NRP1: variants seen among roughly 807,000 people sequenced by gnomAD.
NRP1 encodes the protein neuropilin-1.
Under a neutral mutation model 106.7 loss-of-function variants are expected in NRP1, and 35 were observed. That is an observed-to-expected ratio of 0.33 (90% CI 0.25 to 0.43). NRP1 has a LOEUF of 0.43. NRP1 is among the 20% of genes least tolerant of loss of function. NRP1 has a pLI of 1.00. For synonymous variants in NRP1, 437 were observed against 417.9 expected (o/e 1.05, Z -0.56); for missense variants, 1,024 against 1,170.4 (o/e 0.87, Z 1.83).
At chr10:33,294,913 A>G (rs1386350128) in intron 2 of NRP1, among the ~76,000 whole-genome samples, 1 of 152,198 alleles carries the variant, frequency 6.6e-6, no homozygotes, top group Non-Finnish European at 1.5e-5. Flanking sequence ...GTTTCATCAT[A>G]GCCCAGGGTC....
At chr10:33,314,393 CT>C (rs1846864413) in intron 2 of NRP1, among the ~76,000 whole-genome samples, 2 of 152,190 alleles carry the variant, frequency 1.3e-5, no homozygotes, top group South Asian at 2.1e-4. Context: ...GTAAATCATT[CT>C]TTTCTATGGT....
chr10:33,207,678 C>T lies in NRP1; in HGVS notation c.1653G>A (p.Leu551=). ...GCGTGGAGAGAGCTGGAAAAGTCCG[C>T]AGCTCAGGTGTATCATAGTTGTTGT... ...EGNNNYDTPE[L]RTFPALSTRF... Residue 551 remains leucine (L), a synonymous_variant, in exon 10 of 17, where the codon CTG becomes CTA. Transcript: ENST00000374867. The T allele has an allele frequency of 6.2e-7, 1 of 1,614,008 alleles. No homozygotes were observed.
chr10:33,186,188 C>A, intron 14 of NRP1, 29 bp downstream of exon 14: 1 of 1,550,100 alleles, frequency 6.5e-7, no homozygotes, highest in South Asian at 1.2e-5. Context: ...GCAGCCACTG[C>A]CCTCCCCAGC....
At chr10:33,237,177 A>G (rs1840625864) in intron 6 of NRP1, among the ~76,000 whole-genome samples, 1 of 152,146 alleles carries the variant, frequency 6.6e-6, no homozygotes, top group Non-Finnish European at 1.5e-5. Flanking sequence ...TATCCAGATA[A>G]AAGCATTTCG....
chr10:33,270,615 C>T, intron 3 of NRP1, 60 bp downstream of exon 3: 1 of 1,450,110 alleles, frequency 6.9e-7, no homozygotes, highest in Non-Finnish European at 9.3e-7. Flanking sequence ...GGGTGAGCCA[C>T]CACACTCGGC....
At chr10:33,248,014 G>A (rs1304799747) in intron 6 of NRP1, among the ~76,000 whole-genome samples, 9 of 152,128 alleles carry the variant, frequency 5.9e-5, no homozygotes, top group East Asian at 1.9e-4. Context: ...TTGGCCAGGC[G>A]TGGTGGCTCA....
chr10:33,245,442 G>A (rs571153930), intron 6 of NRP1, among the ~76,000 whole-genome samples: 1 of 152,340 alleles, frequency 6.6e-6, no homozygotes, highest in African/African-American at 2.4e-5. Flanking sequence ...GTATTGCTCA[G>A]ACCAAGAAAC....
chr10:33,328,403 C>CA lies in NRP1; in HGVS notation c.248+2304dup, dbSNP rs1024107146. Reference sequence around the variant, plus strand: ...GGATTTATGCTAATTCTCTAGGCACCAAAATGTTGAATGAACCAGATGACC... The same window carrying CA: ...GGATTTATGCTAATTCTCTAGGCACCAAAAATGTTGAATGAACCAGATGACC... On this transcript the variant is annotated intron_variant, in intron 2 of 16. Transcript: ENST00000374867. Among the ~76,000 whole-genome samples, 146 of 152,028 alleles carry CA rather than the reference C, an allele frequency of 9.6e-4. 1 individual carries two copies. The highest frequency in any genetic ancestry group is 9.7e-4 in the East Asian group (5 of 5,180).
chr10:33,278,049 C>T (rs957896010), intron 2 of NRP1, among the ~76,000 whole-genome samples: 4 of 152,156 alleles, frequency 2.6e-5, no homozygotes, highest in Non-Finnish European at 5.9e-5. Context: ...AACTTCTAAA[C>T]CATAGCATTA....
Position 33,206,241 on chromosome 10 carries a change from G to A in NRP1, c.1759+1331C>T, listed in dbSNP as rs375976771. On this transcript the variant is annotated intron_variant, in intron 10 of 16. Coordinates refer to ENST00000374867, the MANE Select transcript of NRP1 (RefSeq NM_003873.7). The stretch of plus-strand genomic sequence containing the variant: ...CTTTTCCAGATGACCACATTTCTCC[G>A]TGAATTGAACGAACGCATCTGCAGT... 221 of 518,986 alleles carry A rather than the reference G, an allele frequency of 4.3e-4. 2 individuals carry two copies. The Middle Eastern group carries it at 5.7e-3, about 13-fold the overall frequency. 32.1% of individuals were successfully genotyped at this position (518,986 alleles called of 1,614,324 possible).
chr10:33,188,895 A>G (rs371036819), intron 13 of NRP1, among the ~76,000 whole-genome samples: 3 of 138,244 alleles, frequency 2.2e-5, no homozygotes, highest in South Asian at 4.8e-4. Flanking sequence ...CCTAGGCAAC[A>G]GAGACCCTGT....
chr10:33,295,331 A>T (rs1202754141), intron 2 of NRP1, among the ~76,000 whole-genome samples: 1 of 152,210 alleles, frequency 6.6e-6, no homozygotes, highest in Non-Finnish European at 1.5e-5. Context: ...CAGCATGTTC[A>T]AGTCTGTGGA....
chr10:33,267,905 T>G (rs143243090), intron 3 of NRP1, among the ~76,000 whole-genome samples: 1 of 152,126 alleles, frequency 6.6e-6, no homozygotes, highest in African/African-American at 2.4e-5. Context: ...CCTGGAGCAA[T>G]GCAACCCGGG....
At chr10:33,327,136 A>T (rs1021140575) in intron 2 of NRP1, among the ~76,000 whole-genome samples, 26 of 141,348 alleles carry the variant, frequency 1.8e-4, no homozygotes, top group African/African-American at 8.3e-4. Flanking sequence ...ACAAATACTG[A>T]CCATTTCAAG....
chr10:33,308,360 TAAAAC>T (rs1375219390), intron 2 of NRP1, among the ~76,000 whole-genome samples: 2 of 150,080 alleles, frequency 1.3e-5, no homozygotes, highest in Admixed American at 6.7e-5. Flanking sequence ...GGTTTATATA[TAAAAC>T]AAAAGTTTTA....
intron 9 of NRP1, among the ~76,000 whole-genome samples, chr10:33,210,548 A>G (rs1287397657): frequency 6.6e-6 from 1 of 152,226 alleles, no homozygotes; most frequent in African/African-American, 2.4e-5. Context: ...AGGCTAACTG[A>G]TATAATAAAC....
At chr10:33,333,070 T>C (rs1318389584) in intron 1 of NRP1, among the ~76,000 whole-genome samples, 2 of 152,198 alleles carry the variant, frequency 1.3e-5, no homozygotes, top group African/African-American at 4.8e-5. Context: ...TGGACGAGAA[T>C]GCTATTTCAT....
At chr10:33,249,498 A>T (rs757252144) in intron 6 of NRP1, 101 of 531,210 alleles carry the variant, frequency 1.9e-4, no homozygotes, top group Admixed American at 3.3e-4. Flanking sequence ...GATGTGCTTG[A>T]AGAGGAAGAT....
chr10:33,225,427 T>C (rs968223460), intron 7 of NRP1, among the ~76,000 whole-genome samples: 2 of 152,248 alleles, frequency 1.3e-5, no homozygotes, highest in Non-Finnish European at 2.9e-5. Flanking sequence ...AAGCTTTTAA[T>C]TTCTGGGAGA....
Sources: gnomAD v4.1 joint callset for allele counts (sites outside exome capture counted in the v4.1 genomes callset) on GRCh38, gnomAD v4.1.1 for gene constraint, MANE v1.5 for transcripts, NCBI Gene and HGNC (gene_info 2026-07-23, HGNC 2026-07-21) for gene names.